CMTM8: variants seen among roughly 807,000 people sequenced by gnomAD.
The protein encoded by CMTM8 is CKLF like MARVEL transmembrane domain containing 8, also known as CKLF-like MARVEL transmembrane domain-containing protein 8.
A neutral mutation model predicts 18.6 loss-of-function variants in CMTM8; 12 were observed. The ratio of observed to expected loss-of-function variants is 0.65; its 90% CI spans 0.41 to 1.05. The LOEUF (loss-of-function observed/expected upper bound fraction) is 1.05. Among genes scored for constraint, CMTM8 ranks in the 50% least tolerant of loss-of-function variants. The pLI is 0.00. For missense variants in CMTM8, 217 were observed against 227.2 expected (o/e 0.95, Z 0.29); for synonymous variants, 87 against 90.6 (o/e 0.96, Z 0.23).
chr3:32,356,895 A>G (rs898087685), intron 1 of CMTM8, among the ~76,000 whole-genome samples: 1 of 152,240 alleles, frequency 6.6e-6, no homozygotes, highest in Non-Finnish European at 1.5e-5. Context: ...GGGATGGAGA[A>G]GACCTGGCAA....
At chr3:32,247,691 C>A (rs1702058841) in intron 1 of CMTM8, among the ~76,000 whole-genome samples, 1 of 152,172 alleles carries the variant, frequency 6.6e-6, no homozygotes, top group African/African-American at 2.4e-5. Flanking sequence ...GAACTCCTGG[C>A]CTCAAGTGAT....
intron 1 of CMTM8, among the ~76,000 whole-genome samples, chr3:32,286,013 G>A (rs1022668342): frequency 1.3e-5 from 2 of 152,194 alleles, no homozygotes; most frequent in African/African-American, 4.8e-5. Flanking sequence ...CAGGACGATG[G>A]GAGAATTAAA....
chr3:32,355,032 A>G (rs1438165075), intron 1 of CMTM8, among the ~76,000 whole-genome samples: 1 of 152,214 alleles, frequency 6.6e-6, no homozygotes, highest in Non-Finnish European at 1.5e-5. Context: ...AAGAATGTTG[A>G]TGCTCAACTC....
chr3:32,335,432 A>C (rs1696367288), intron 1 of CMTM8, among the ~76,000 whole-genome samples: 1 of 152,348 alleles, frequency 6.6e-6, no homozygotes, highest in African/African-American at 2.4e-5. Flanking sequence ...GGTCGGAAGC[A>C]GACCAGCTGG....
chr3:32,243,329 G>A (rs1701968724), intron 1 of CMTM8, among the ~76,000 whole-genome samples: 2 of 151,428 alleles, frequency 1.3e-5, no homozygotes, highest in South Asian at 2.1e-4. Context: ...CCAGGAGTTT[G>A]AGACCAGCCC....
At chr3:32,322,524 T>C (rs1696076326) in intron 1 of CMTM8, among the ~76,000 whole-genome samples, 1 of 152,238 alleles carries the variant, frequency 6.6e-6, no homozygotes, top group African/African-American at 2.4e-5. Flanking sequence ...CATGCTGCCC[T>C]GGTAATGGAT....
intron 1 of CMTM8, among the ~76,000 whole-genome samples, chr3:32,312,988 T>C (rs1362633551): frequency 6.6e-6 from 1 of 151,524 alleles, no homozygotes; most frequent in Non-Finnish European, 1.5e-5. Context: ...ATTATAAGGG[T>C]TTTAGGAGCT....
rs149564069 is a variant in CMTM8, at chr3:32,303,203, C to T, written c.148-54170C>T. On this transcript the variant is annotated intron_variant, in intron 1 of 3. Transcript: ENST00000307526. ...TTAAGTTGCTGATAGTTACTGCTTG[C>T]TGGGAACTGTAGGCCTTTCCTGGCA... is the stretch of plus-strand genomic sequence containing the variant. Among the ~76,000 whole-genome samples, 50 of 152,302 alleles carry T rather than the reference C, an allele frequency of 3.3e-4. No individual in the cohort carries two copies. The East Asian group carries it at 9.4e-3, about 29-fold the overall frequency.
At chr3:32,345,432 C>A (rs1024221263) in intron 1 of CMTM8, among the ~76,000 whole-genome samples, 1 of 152,144 alleles carries the variant, frequency 6.6e-6, no homozygotes, top group Non-Finnish European at 1.5e-5. Flanking sequence ...CAAGCACTTT[C>A]CTTCTATAGC....
intron 1 of CMTM8, among the ~76,000 whole-genome samples, chr3:32,314,060 A>G (rs548492553): frequency 1.3e-5 from 2 of 152,284 alleles, no homozygotes; most frequent in South Asian, 4.1e-4. Flanking sequence ...GTCTCAGAGA[A>G]GCTGCCGAGG....
chr3:32,284,928 G>A (rs1337017683), intron 1 of CMTM8, among the ~76,000 whole-genome samples: 1 of 152,192 alleles, frequency 6.6e-6, no homozygotes, highest in Admixed American at 6.5e-5. Flanking sequence ...GGATTCATGT[G>A]GCTTTCCTTG....
At chr3:32,267,594 C>G (rs373164329) in intron 1 of CMTM8, among the ~76,000 whole-genome samples, 1 of 152,018 alleles carries the variant, frequency 6.6e-6, no homozygotes, top group Non-Finnish European at 1.5e-5. Flanking sequence ...AGCCAAAATT[C>G]ACAAGTGGGA....
intron 1 of CMTM8, among the ~76,000 whole-genome samples, chr3:32,263,433 A>G (rs1702285892): frequency 6.6e-6 from 1 of 152,212 alleles, no homozygotes; most frequent in Admixed American, 6.5e-5. Context: ...GGACATCCAC[A>G]CCAAAACCCC....
chr3:32,238,360 C>T (rs1701894047), upstream of CMTM8: 2 of 152,400 alleles, frequency 1.3e-5, no homozygotes, highest in African/African-American at 4.8e-5. Context: ...CCTGGGTTTC[C>T]TTAAGGGGCC....
At chr3:32,347,543 T>G (rs1332385437) in intron 1 of CMTM8, among the ~76,000 whole-genome samples, 1 of 151,954 alleles carries the variant, frequency 6.6e-6, no homozygotes, top group Non-Finnish European at 1.5e-5. Flanking sequence ...CTGGGGGGCT[T>G]GGGGCCTCAG....
chr3:32,242,769 C>T (rs943258063), intron 1 of CMTM8, among the ~76,000 whole-genome samples: 4 of 152,158 alleles, frequency 2.6e-5, no homozygotes, highest in African/African-American at 7.2e-5. Flanking sequence ...GTACTGGGCA[C>T]CTGGTGTGTT....
At chr3:32,243,269 A>G (rs1701966582) in intron 1 of CMTM8, among the ~76,000 whole-genome samples, 1 of 151,404 alleles carries the variant, frequency 6.6e-6, no homozygotes. Context: ...GGTGGTTCAC[A>G]CCTGCAGTCC....
chr3:32,330,985 G>A (rs2125583606), intron 1 of CMTM8, among the ~76,000 whole-genome samples: 1 of 152,166 alleles, frequency 6.6e-6, no homozygotes, highest in South Asian at 2.1e-4. Context: ...TAGACAAATA[G>A]GACTATACCA....
chr3:32,283,003 T>G (rs1213864289), intron 1 of CMTM8, among the ~76,000 whole-genome samples: 1 of 113,658 alleles, frequency 8.8e-6, no homozygotes, highest in East Asian at 2.4e-4. Flanking sequence ...CCATCTGATG[T>G]ATGTACTGTT....
Sources: allele counts gnomAD v4.1 joint callset (sites outside exome capture counted in the v4.1 genomes callset), GRCh38; gene constraint gnomAD v4.1.1; transcripts MANE v1.5; gene names NCBI Gene and HGNC (gene_info 2026-07-23, HGNC 2026-07-21).